Variants in RBPJ observed in about 807,000 individuals in gnomAD.
RBPJ encodes recombination signal binding protein for immunoglobulin kappa J region, also known as recombining binding protein suppressor of hairless.
RBPJ carries 9 observed loss-of-function variants against 67.8 expected under a neutral mutation model. That is an observed-to-expected ratio of 0.13 (90% CI 0.08 to 0.23). RBPJ has a LOEUF of 0.23. Among genes scored for constraint, RBPJ ranks in the 10% least tolerant of loss-of-function variants. RBPJ has a pLI of 1.00. For missense variants in RBPJ, 305 were observed against 595.6 expected (o/e 0.51, Z 5.08); for synonymous variants, 198 against 203.3 (o/e 0.97, Z 0.22).
At chr4:26,403,500 C>T (rs1733067684) in intron 2 of RBPJ, among the ~76,000 whole-genome samples, 1 of 152,022 alleles carries the variant, frequency 6.6e-6, no homozygotes, top group South Asian at 2.1e-4. Context: ...CGCCCAGTAC[C>T]CAATAGTTAT....
intron 1 of RBPJ, chr4:26,362,427 T>C (rs1000585914): frequency 2.1e-6 from 3 of 1,400,146 alleles, no homozygotes; most frequent in Non-Finnish European, 2.8e-6. Flanking sequence ...AGGCCTTATT[T>C]TTTGTTTTTG....
chr4:26,348,076 C>G (rs565087856), intron 1 of RBPJ, among the ~76,000 whole-genome samples: 30 of 151,980 alleles, frequency 2.0e-4, no homozygotes, highest in South Asian at 1.9e-3. Context: ...ATTCTCCTGC[C>G]TCAGCCTCCT....
chr4:26,374,022 G>A (rs946021675), intron 1 of RBPJ, among the ~76,000 whole-genome samples: 5 of 149,684 alleles, frequency 3.3e-5, no homozygotes, highest in African/African-American at 4.9e-5. Flanking sequence ...GGGTTCAAGC[G>A]TTTCTCCTGC....
chr4:26,115,611 C>G, the RBPJ span, among the ~76,000 whole-genome samples: 1 of 152,138 alleles, frequency 6.6e-6, no homozygotes, highest in East Asian at 1.9e-4. Context: ...GTCTCGATTT[C>G]CTGACTTCAT....
At chr4:26,144,843 G>T in the RBPJ span, among the ~76,000 whole-genome samples, 1 of 152,156 alleles carries the variant, frequency 6.6e-6, no homozygotes, top group Non-Finnish European at 1.5e-5. Flanking sequence ...CAGTGAAATT[G>T]ATTCCAGTCT....
chr4:26,206,430 G>A (rs1331287866), intron 1 of RBPJ, among the ~76,000 whole-genome samples: 1 of 152,100 alleles, frequency 6.6e-6, no homozygotes, highest in African/African-American at 2.4e-5. Context: ...TCTGCTTTCC[G>A]AGAGTTTATG....
At chr4:26,116,760 C>G in the RBPJ span, among the ~76,000 whole-genome samples, 2 of 152,210 alleles carry the variant, frequency 1.3e-5, no homozygotes, top group African/African-American at 2.4e-5. Flanking sequence ...CTGCTGCCAC[C>G]CATGCCACAA....
the RBPJ span, among the ~76,000 whole-genome samples, chr4:26,140,680 T>C: frequency 1.7e-5 from 2 of 121,032 alleles, no homozygotes; most frequent in Non-Finnish European, 3.2e-5. Context: ...CATCCCAGGA[T>C]GGTCACCAGC....
chr4:26,369,944 C>G (rs1728994795), intron 1 of RBPJ, among the ~76,000 whole-genome samples: 1 of 152,128 alleles, frequency 6.6e-6, no homozygotes, highest in South Asian at 2.1e-4. Context: ...GCTGTACATT[C>G]TGCCTGTAAA....
the RBPJ span, among the ~76,000 whole-genome samples, chr4:26,126,470 G>A: frequency 2.6e-5 from 4 of 152,242 alleles, no homozygotes; most frequent in African/African-American, 9.6e-5. Context: ...GTACGGCACA[G>A]GTGGGCATAT....
chr4:26,383,358 A>G (rs571230847), intron 1 of RBPJ, among the ~76,000 whole-genome samples: 1 of 152,340 alleles, frequency 6.6e-6, no homozygotes, highest in South Asian at 2.1e-4. Context: ...TAGCCATGTA[A>G]TTAAACCTGT....
the RBPJ span, among the ~76,000 whole-genome samples, chr4:26,120,336 G>C: frequency 2.0e-5 from 3 of 152,148 alleles, no homozygotes; most frequent in East Asian, 3.9e-4. Flanking sequence ...TTTTTAAATA[G>C]CTAAGTACCA....
chr4:26,222,574 T>G (rs1287432251), intron 1 of RBPJ, among the ~76,000 whole-genome samples: 1 of 148,190 alleles, frequency 6.7e-6, no homozygotes, highest in Non-Finnish European at 1.5e-5. Context: ...ATACATTATA[T>G]AAATGTATCA....
intron 5 of RBPJ, among the ~76,000 whole-genome samples, chr4:26,421,693 A>C (rs564462090): frequency 2.6e-5 from 4 of 152,040 alleles, no homozygotes; most frequent in South Asian, 2.1e-4. Flanking sequence ...ATCACCACCA[A>C]CACCTCTTCG....
At chr4:26,349,093 C>CACGCGCGCGCGT (rs1553867514) in intron 1 of RBPJ, among the ~76,000 whole-genome samples, 4 of 150,738 alleles carry the variant, frequency 2.7e-5, no homozygotes, top group Non-Finnish European at 5.9e-5. Flanking sequence ...TGTGTGCGCG[C>CACGCGCGCGCGT]GCGCACGCAC....
intron 1 of RBPJ, among the ~76,000 whole-genome samples, chr4:26,223,919 A>G (rs1284510228): frequency 6.6e-6 from 1 of 152,214 alleles, no homozygotes; most frequent in Non-Finnish European, 1.5e-5. Context: ...ACGGAACTCT[A>G]TGACCTTGGC....
the RBPJ span, among the ~76,000 whole-genome samples, chr4:26,115,639 C>G: frequency 6.6e-6 from 1 of 152,188 alleles, no homozygotes; most frequent in African/African-American, 2.4e-5. Flanking sequence ...CCGCCTCGGC[C>G]TCCCAAAGTG....
chr4:26,214,671 A>AAGGGAGGGAGG (rs1382993321), intron 1 of RBPJ, among the ~76,000 whole-genome samples: 1 of 134,162 alleles, frequency 7.5e-6, no homozygotes, highest in East Asian at 2.6e-4. Context: ...AGGAAGAAAC[A>AAGGGAGGGAGG]AGGGAGGGAG....
intron 1 of RBPJ, among the ~76,000 whole-genome samples, chr4:26,284,865 T>A (rs943637087): frequency 6.6e-6 from 1 of 151,632 alleles, no homozygotes. Flanking sequence ...TAACTTTTTT[T>A]TTTTCTTTTG....
Sources: allele counts gnomAD v4.1 joint callset (sites outside exome capture counted in the v4.1 genomes callset), GRCh38; gene constraint gnomAD v4.1.1; transcripts MANE v1.5; gene names NCBI Gene and HGNC (gene_info 2026-07-23, HGNC 2026-07-21).